The following ARFGEF1 variants were observed in gnomAD, a reference collection of about 807,000 sequenced individuals.
ARFGEF1 encodes the protein brefeldin A-inhibited guanine nucleotide-exchange protein 1.
A neutral mutation model predicts 231.0 loss-of-function variants in ARFGEF1; 42 were observed. That is an observed-to-expected ratio of 0.18 (90% CI 0.14 to 0.24). The LOEUF (loss-of-function observed/expected upper bound fraction) is 0.24, where lower values mean the gene tolerates loss of function less well. Ranked by LOEUF, ARFGEF1 falls within the 10% of genes least tolerant of loss-of-function variation. The probability of loss-of-function intolerance (pLI) is 1.00; values close to 1 mark genes in which losing one functional copy is unlikely to be tolerated. For missense variants in ARFGEF1, 1,345 were observed against 2,192.0 expected (o/e 0.61, Z 7.72); for synonymous variants, 710 against 732.3 (o/e 0.97, Z 0.49).
At chr8:67,219,147 A>G (rs1213078547) in intron 30 of ARFGEF1, among the ~76,000 whole-genome samples, 2 of 152,142 alleles carry the variant, frequency 1.3e-5, no homozygotes, top group Non-Finnish European at 2.9e-5. Context: ...TTGTATTTTT[A>G]GTAGAGATGG....
intron 6 of ARFGEF1, among the ~76,000 whole-genome samples, chr8:67,290,206 A>G (rs942349814): frequency 6.6e-6 from 1 of 152,090 alleles, no homozygotes; most frequent in Admixed American, 6.6e-5. Context: ...TGTCTTTCTA[A>G]CTCTATATTC....
chr8:67,310,333 G>A (rs1356872044), intron 1 of ARFGEF1, among the ~76,000 whole-genome samples: 8 of 152,212 alleles, frequency 5.3e-5, no homozygotes, highest in South Asian at 4.1e-4. Flanking sequence ...CCTTAACCGC[G>A]AGTGATCCGC....
At chr8:67,236,349 T>TTAAAAAAA (rs1468178393) in intron 22 of ARFGEF1, among the ~76,000 whole-genome samples, 2 of 13,958 alleles carry the variant, frequency 1.4e-4, no homozygotes, top group African/African-American at 4.7e-4. Context: ...AGATATTAGT[T>TTAAAAAAA]AAAAAAAAAA....
downstream of ARFGEF1, chr8:67,195,240 AAAAC>A (rs3217664): frequency 3.9e-5 from 28 of 712,016 alleles, no homozygotes; most frequent in Middle Eastern, 8.2e-4. Context: ...GAGTCTAACC[AAAAC>A]AAACAAACAG....
chr8:67,319,435 CA>C (rs1376952866), intron 1 of ARFGEF1, among the ~76,000 whole-genome samples: 1 of 147,290 alleles, frequency 6.8e-6, no homozygotes, highest in Non-Finnish European at 1.5e-5. Flanking sequence ...GACAAAAGTA[CA>C]AGTGCAATTC....
chr8:67,333,976 A>C (rs1808222537), intron 1 of ARFGEF1, among the ~76,000 whole-genome samples: 1 of 151,936 alleles, frequency 6.6e-6, no homozygotes, highest in Non-Finnish European at 1.5e-5. Context: ...ATCTCTACTA[A>C]AAATACAAAA....
At chr8:67,312,569 A>G (rs556507295) in intron 1 of ARFGEF1, among the ~76,000 whole-genome samples, 32 of 152,336 alleles carry the variant, frequency 2.1e-4, no homozygotes, top group African/African-American at 7.0e-4. Flanking sequence ...TCTGTCCTAA[A>G]AGAATAACTA....
chr8:67,340,113 C>T (rs1587356335), intron 1 of ARFGEF1, among the ~76,000 whole-genome samples: 1 of 151,962 alleles, frequency 6.6e-6, no homozygotes, highest in South Asian at 2.1e-4. Context: ...TAAAAGGTAG[C>T]TGAATTAATT....
intron 1 of ARFGEF1, among the ~76,000 whole-genome samples, chr8:67,323,455 C>T (rs1001532080): frequency 6.6e-6 from 1 of 152,116 alleles, no homozygotes; most frequent in Non-Finnish European, 1.5e-5. Context: ...CTACTATCAA[C>T]CAAACATCTT....
At chr8:67,300,347 T>C (rs1397651102) in intron 3 of ARFGEF1, among the ~76,000 whole-genome samples, 1 of 152,188 alleles carries the variant, frequency 6.6e-6, no homozygotes, top group Admixed American at 6.5e-5. Context: ...AAGAGAAGTA[T>C]TCCTCTACTT....
intron 19 of ARFGEF1, among the ~76,000 whole-genome samples, chr8:67,243,618 C>T (rs566710229): frequency 2.0e-5 from 3 of 152,146 alleles, no homozygotes; most frequent in Admixed American, 6.5e-5. Flanking sequence ...TTTTGAATAC[C>T]TAGAAAGCCT....
chr8:67,320,355 C>G (rs1807528420), intron 1 of ARFGEF1, among the ~76,000 whole-genome samples: 1 of 151,664 alleles, frequency 6.6e-6, no homozygotes, highest in African/African-American at 2.4e-5. Context: ...CTGACACTCC[C>G]AAGAGTCGGT....
exon 6 of ARFGEF1, chr8:67,175,521 C>A: frequency 1.3e-6 from 2 of 1,491,752 alleles, no homozygotes; most frequent in South Asian, 1.2e-5. Flanking sequence ...TGATTTCATT[C>A]CCAGGCATCC....
chr8:67,257,939 G>T, intron 16 of ARFGEF1, 123 bp from the exon 17 acceptor site: 1 of 1,194,968 alleles, frequency 8.4e-7, no homozygotes, highest in Non-Finnish European at 1.2e-6. Flanking sequence ...AATTTTTTAT[G>T]GATTTGTTTT....
intron 1 of ARFGEF1, among the ~76,000 whole-genome samples, chr8:67,322,270 C>T (rs1192756850): frequency 6.6e-6 from 1 of 152,240 alleles, no homozygotes; most frequent in African/African-American, 2.4e-5. Flanking sequence ...AAAATGCCAA[C>T]CTTCTAGGTA....
intron 27 of ARFGEF1, among the ~76,000 whole-genome samples, chr8:67,226,754 G>A (rs551733139): frequency 6.6e-6 from 1 of 152,078 alleles, no homozygotes; most frequent in Non-Finnish European, 1.5e-5. Context: ...TGTACTTACT[G>A]GTCAAAAATA....
chr8:67,198,812 T>C lies in ARFGEF1; in HGVS notation c.*122A>G, dbSNP rs1838204286. On this transcript the variant is annotated 3_prime_UTR_variant, in exon 39 of 39. Coordinates refer to ENST00000262215, the MANE Select transcript of ARFGEF1 (RefSeq NM_006421.5). Reference sequence around the variant, plus strand: ...CAAGTTTGAGTAAGACTTCTAAGCATCTTTACCAGTAACTCAGACACTGCA... The same window carrying C: ...CAAGTTTGAGTAAGACTTCTAAGCACCTTTACCAGTAACTCAGACACTGCA... The C allele has an allele frequency of 6.8e-7, 1 of 1,477,512 alleles. No homozygotes were observed. The highest frequency in any genetic ancestry group is 8.9e-7 in the Non-Finnish European group (1 of 1,119,110). The allele number at this position is 1,477,512 out of a possible 1,614,324, so 91.5% of individuals were successfully genotyped here.
chr8:67,219,689 CTG>C, intron 29 of ARFGEF1, 129 bp from the exon 30 acceptor site: 3 of 966,420 alleles, frequency 3.1e-6, no homozygotes, highest in Non-Finnish European at 4.4e-6. Flanking sequence ...ACACATGACA[CTG>C]GGTTTTAAAA....
chr8:67,306,517 C>T (rs1308531771), intron 1 of ARFGEF1, among the ~76,000 whole-genome samples: 1 of 151,998 alleles, frequency 6.6e-6, no homozygotes, highest in East Asian at 1.9e-4. Context: ...AAACATCTCC[C>T]CTCATAATAT....
Sources: allele counts gnomAD v4.1 joint callset (sites outside exome capture counted in the v4.1 genomes callset), GRCh38; gene constraint gnomAD v4.1.1; transcripts MANE v1.5; gene names NCBI Gene and HGNC (gene_info 2026-07-23, HGNC 2026-07-21).